Variants in DCAF8L2 observed in about 807,000 individuals in gnomAD.
DCAF8L2 encodes DDB1- and CUL4-associated factor 8-like protein 2.
For synonymous variants in DCAF8L2, 200 were observed against 190.9 expected (o/e 1.05, Z -0.39); for missense variants, 430 against 490.7 (o/e 0.88, Z 1.17).
intron 2 of DCAF8L2, among the ~76,000 whole-genome samples, chrX:27,669,435 C>T (rs1414399006): frequency 9.3e-6 from 1 of 107,524 alleles, no homozygotes; most frequent in East Asian, 2.9e-4. Context: ...AAATAACTTA[C>T]CCAATATTTC....
In DCAF8L2 at chrX:27,595,786, T is replaced by A. The variant is rs766750422; in HGVS notation, c.-342+5346T>A. On this transcript the variant is annotated intron_variant, in intron 1 of 4. Coordinates refer to ENST00000451261, the MANE Select transcript of DCAF8L2 (RefSeq NM_001353450.2). ...ATGTTGGGAGGCTGAGGCGGGTGGATCACCTGAGGTAAGGAGTTTGAGAAC... is the reference window on the plus strand; with the variant it reads ...ATGTTGGGAGGCTGAGGCGGGTGGAACACCTGAGGTAAGGAGTTTGAGAAC... Among the ~76,000 whole-genome samples, 15 of 111,928 alleles carry A rather than the reference T, an allele frequency of 1.3e-4. No individual in the cohort carries two copies. In the South Asian group the frequency reaches 5.5e-3, roughly 41 times the overall value.
At chrX:27,544,866 C>T in the DCAF8L2 span, among the ~76,000 whole-genome samples, 2 of 111,643 alleles carry the variant, frequency 1.8e-5, no homozygotes, top group African/African-American at 3.3e-5. Context: ...AGAGAGAAGC[C>T]AGGCATCATG....
chrX:27,739,116 C>G (rs1163493807), intron 4 of DCAF8L2, among the ~76,000 whole-genome samples: 1 of 111,077 alleles, frequency 9.0e-6, no homozygotes, highest in Non-Finnish European at 1.9e-5. Context: ...AAAAAAAAAT[C>G]TATTGACCCC....
chrX:27,573,695 AACAC>A, the DCAF8L2 span, among the ~76,000 whole-genome samples: 51 of 111,596 alleles, frequency 4.6e-4, no homozygotes, highest in African/African-American at 1.5e-3. Context: ...GAGTGAGGGA[AACAC>A]ATTTGGAAAG....
At chrX:27,729,432 T>G (rs1207974526) in intron 4 of DCAF8L2, among the ~76,000 whole-genome samples, 2 of 112,586 alleles carry the variant, frequency 1.8e-5, no homozygotes, top group Non-Finnish European at 3.8e-5. Context: ...CACAGCCATA[T>G]GGCAGCAAAT....
intron 3 of DCAF8L2, among the ~76,000 whole-genome samples, chrX:27,697,086 T>C (rs1444503575): frequency 1.8e-5 from 2 of 111,276 alleles, no homozygotes; most frequent in Non-Finnish European, 3.8e-5. Flanking sequence ...ACCTAACCCC[T>C]GGTACTTGGG....
At chrX:27,592,177 G>A (rs1253417467) in intron 1 of DCAF8L2, among the ~76,000 whole-genome samples, 1 of 112,033 alleles carries the variant, frequency 8.9e-6, no homozygotes, top group African/African-American at 3.2e-5. Flanking sequence ...AGTGAGGTGC[G>A]TGGGGCAGGA....
the DCAF8L2 span, among the ~76,000 whole-genome samples, chrX:27,581,589 A>ATTTTT: frequency 1.1e-5 from 1 of 95,142 alleles, no homozygotes; most frequent in Non-Finnish European, 2.1e-5. Context: ...ATTTAATACA[A>ATTTTT]TTTTTTTTTT....
rs1229369533 is a variant in DCAF8L2 at position 27,746,849 on chromosome X, G to C, written c.-47G>C. On this transcript the variant is annotated 5_prime_UTR_variant, in exon 5 of 5. Coordinates refer to ENST00000451261, the MANE Select transcript of DCAF8L2 (RefSeq NM_001353450.2). ...AACTTTCTTCCCAGAGCTTTTAGGGGCCTGGCCTTTGCAGTTCCAGATCTA... is the reference window on the plus strand; with the variant it reads ...AACTTTCTTCCCAGAGCTTTTAGGGCCCTGGCCTTTGCAGTTCCAGATCTA... The C allele has an allele frequency of 1.8e-6, 2 of 1,137,075 alleles. No homozygotes were observed. The highest frequency in any genetic ancestry group is 3.6e-5 in the African/African-American group (2 of 55,078). 93.7% of individuals were successfully genotyped at this position (1,137,075 alleles called of 1,213,427 possible). A position where few individuals can be genotyped will look rare whatever the true frequency, so the allele number is the denominator to read the frequency against.
At chrX:27,653,637 A>G (rs769976059) in intron 2 of DCAF8L2, among the ~76,000 whole-genome samples, 1 of 109,486 alleles carries the variant, frequency 9.1e-6, no homozygotes, top group African/African-American at 3.3e-5. Flanking sequence ...TCTAGCCTCA[A>G]CTCAATCCAG....
chrX:27,702,138 T>C (rs1388361377), intron 3 of DCAF8L2, among the ~76,000 whole-genome samples: 3 of 110,711 alleles, frequency 2.7e-5, no homozygotes, highest in Non-Finnish European at 5.7e-5. Context: ...AATAAATGAC[T>C]GAAACTGACT....
intron 4 of DCAF8L2, among the ~76,000 whole-genome samples, chrX:27,738,807 A>T (rs956075910): frequency 8.9e-6 from 1 of 112,010 alleles, no homozygotes; most frequent in East Asian, 2.8e-4. Flanking sequence ...GCTCCAGCAT[A>T]GATTTATTCC....
the DCAF8L2 span, among the ~76,000 whole-genome samples, chrX:27,576,042 A>T: frequency 2.7e-5 from 3 of 112,452 alleles, no homozygotes; most frequent in African/African-American, 9.7e-5. Flanking sequence ...CACAGCAACA[A>T]GTAAAAAACA....
At chrX:27,495,481 GTAGGTA>G in the DCAF8L2 span, among the ~76,000 whole-genome samples, 79 of 112,061 alleles carry the variant, frequency 7.0e-4, no homozygotes, top group African/African-American at 2.4e-3. Context: ...TTTTGAATCT[GTAGGTA>G]TACCTAAATC....
At chrX:27,673,636 A>G (rs751383428) in intron 2 of DCAF8L2, among the ~76,000 whole-genome samples, 1 of 109,081 alleles carries the variant, frequency 9.2e-6, no homozygotes, top group East Asian at 2.8e-4. Context: ...ATACATATAT[A>G]TGTATACATG....
chrX:27,720,951 T>A (rs1931882204), intron 4 of DCAF8L2, among the ~76,000 whole-genome samples: 1 of 111,986 alleles, frequency 8.9e-6, no homozygotes. Flanking sequence ...ATTTCTTAAA[T>A]ATTTTTATTT....
chrX:27,578,926 G>A, the DCAF8L2 span, among the ~76,000 whole-genome samples: 1 of 110,368 alleles, frequency 9.1e-6, no homozygotes, highest in Non-Finnish European at 1.9e-5. Flanking sequence ...TGGTGAGGCT[G>A]TGGAGAAATA....
At chrX:27,677,146 T>A (rs1930167067) in intron 2 of DCAF8L2, 1 of 111,510 alleles carries the variant, frequency 9.0e-6, no homozygotes. Flanking sequence ...GGTGAATAAA[T>A]CAATGGCTTG....
intron 3 of DCAF8L2, among the ~76,000 whole-genome samples, chrX:27,686,287 T>C (rs1930503425): frequency 1.8e-5 from 2 of 111,705 alleles, no homozygotes; most frequent in East Asian, 5.7e-4. Flanking sequence ...TGCATACCCA[T>C]GTTTATTGCA....
Sources: gnomAD v4.1 joint callset for allele counts (sites outside exome capture counted in the v4.1 genomes callset) on GRCh38, gnomAD v4.1.1 for gene constraint, MANE v1.5 for transcripts, NCBI Gene and HGNC (gene_info 2026-07-23, HGNC 2026-07-21) for gene names.